The following SLC17A2 variants were observed in gnomAD, a reference collection of about 807,000 sequenced individuals.
SLC17A2 encodes solute carrier family 17 member 2.
In SLC17A2, 38 loss-of-function variants were observed where a neutral mutation model predicts 52.1. The ratio of observed to expected loss-of-function variants is 0.73; its 90% confidence interval spans 0.56 to 0.96. The LOEUF is 0.96. Ranked by LOEUF, SLC17A2 falls within the 40% of genes least tolerant of loss-of-function variation. The pLI, the probability that SLC17A2 is intolerant of heterozygous loss-of-function variation, is 0.00. For missense variants in SLC17A2, 508 were observed against 583.9 expected (o/e 0.87, Z 1.34); for synonymous variants, 226 against 211.9 (o/e 1.07, Z -0.58).
At position 25,915,532 on chromosome 6, in the gene SLC17A2, C is replaced by T. The variant is rs1293747129; in HGVS notation, c.1178G>A (p.Gly393Glu). Residue 393 changes from glycine (G) to glutamate (E), a missense_variant, in exon 10 of 12, where the codon GGG becomes GAG. By Grantham distance (98) the Gly-to-Glu change is moderately conservative. Transcript: ENST00000377850. ...IPGTSNLCDSGFIINTLDIAP... is the reference protein window; with the variant it reads ...IPGTSNLCDSEFIINTLDIAP... ...GATATCTAAGGTGTTGATGATAAAC[C>T]CTGAGTCACATAGGTTACTGGTCCC... 1 of 1,564,642 alleles carries T rather than the reference C, an allele frequency of 6.4e-7. No homozygotes were observed. The highest frequency in any genetic ancestry group is 1.9e-5 in the Admixed American group (1 of 51,770).
rs1766916369 is a variant in SLC17A2, at chr6:25,930,595, G to C, written c.-402C>G. ...AGACTATAAGGCTAACTTGGAAAAG[G>C]AGGGAGTTTTCTGTCCCTTCTTCCC... On this transcript the variant is annotated 5_prime_UTR_variant, in exon 1 of 12. Transcript: ENST00000377850. The C allele has an allele frequency of 6.6e-6, 1 of 152,170 alleles. No individual in the cohort carries two copies. Among genetic ancestry groups the C allele is most frequent in the Non-Finnish European group, 1.5e-5 (1 of 68,040 alleles). 9.4% of individuals were successfully genotyped at this position (152,170 alleles called of 1,614,324 possible).
Position 25,915,149 on chromosome 6 carries a change from G to GTGTATATATATATATATATA in SLC17A2, c.1211+349_1211+350insTATATATATATATATATACA, listed in dbSNP as rs749697702. On this transcript the variant is annotated intron_variant, in intron 10 of 11. Transcript: ENST00000377850. ...GCACAGGAGCTGGCTTATTGTGACT[G>GTGTATATATATATATATATA]TATATATATATATATATATATATAT... Among the ~76,000 whole-genome samples, 179 of 57,882 alleles carry GTGTATATATATATATATATA rather than the reference G, an allele frequency of 3.1e-3. 11 individuals carry two copies. Among genetic ancestry groups the GTGTATATATATATATATATA allele is most frequent in the Middle Eastern group, 0.024 (3 of 124 alleles). The allele number at this position is 57,882 out of a possible 152,430, so 38.0% of individuals were successfully genotyped here. A position where few individuals can be genotyped will look rare whatever the true frequency, so the allele number is the denominator to read the frequency against.
intron 10 of SLC17A2, 83 bp downstream of exon 10, chr6:25,915,416 A>G (rs1269144535): frequency 4.9e-6 from 6 of 1,224,252 alleles, no homozygotes; most frequent in Non-Finnish European, 6.7e-6. Context: ...TGTCAGTAAC[A>G]TTAAAGAGTT....
intron 3 of SLC17A2, among the ~76,000 whole-genome samples, chr6:25,922,088 G>A (rs982708261): frequency 1.3e-5 from 2 of 150,152 alleles, no homozygotes; most frequent in African/African-American, 4.9e-5. Context: ...ATGCAATAAG[G>A]CCCCTAAATA....
Position 25,913,069 on chromosome 6 carries a change from G to A in SLC17A2, c.*248C>T, listed in dbSNP as rs1000080460. The A allele has an allele frequency of 2.6e-5, 10 of 382,908 alleles. No homozygotes were observed. Among genetic ancestry groups the A allele is most frequent in the Non-Finnish European group, 4.7e-5 (10 of 213,292 alleles). The allele number at this position is 382,908 out of a possible 1,614,324, so 23.7% of individuals were successfully genotyped here. On this transcript the variant is annotated 3_prime_UTR_variant, in exon 12 of 12. Coordinates refer to ENST00000377850, the MANE Select transcript of SLC17A2 (RefSeq NM_001286123.3). ...GTTTGTCCAGCTGTTGTCAACCCCGGGCGCATGCTAGAAACCTCTAAGGAG... is the reference window on the plus strand; with the variant it reads ...GTTTGTCCAGCTGTTGTCAACCCCGAGCGCATGCTAGAAACCTCTAAGGAG...
rs1766229082 is a variant in SLC17A2, at chr6:25,914,574, C to T, written c.1302+6G>A. On this transcript the variant is annotated splice_donor_region_variant and intron_variant, in intron 11 of 11. Transcript: ENST00000377850. ...CACTTGAAGATGTTCAATAAACTGG[C>T]CCAACCTGACTGATGAGGAATCCAG... is the stretch of plus-strand genomic sequence containing the variant. 4.4e-6 allele frequency: 7 copies of T among 1,596,384 alleles called. No homozygotes were observed. The highest frequency in any genetic ancestry group is 6.0e-6 in the Non-Finnish European group (7 of 1,163,930).
At chr6:25,930,046 G>A (rs1432011342) in intron 1 of SLC17A2, among the ~76,000 whole-genome samples, 2 of 152,158 alleles carry the variant, frequency 1.3e-5, no homozygotes, top group African/African-American at 4.8e-5. Flanking sequence ...TCAAACTCCT[G>A]ACCTCAAGTG....
chr6:25,923,391 T>C (rs1436134876), intron 3 of SLC17A2, among the ~76,000 whole-genome samples: 1 of 152,156 alleles, frequency 6.6e-6, no homozygotes, highest in African/African-American at 2.4e-5. Flanking sequence ...CTGAATAGGA[T>C]TGAGTAACCT....
Position 25,923,711 on chromosome 6 carries a change from T to G in SLC17A2, c.224A>C (p.Lys75Thr), listed in dbSNP as rs570170691. ...DAFNNSSISI[K>T]EFDTKASVYQ... The stretch of plus-strand genomic sequence containing the variant: ...CATACTTACCTTTGTATCAAATTCC[T>G]TGATGGATATGCTGGAGTTATTGAA... The change falls in exon 3 of 12, where the codon AAG becomes ACG. Residue 75 changes from lysine to threonine, a missense_variant. Coordinates refer to ENST00000377850, the MANE Select transcript of SLC17A2 (RefSeq NM_001286123.3). 1.5e-5 allele frequency: 25 copies of G among 1,613,976 alleles called. No individual in the cohort carries two copies. In the South Asian group the frequency reaches 2.1e-4, roughly 13 times the overall value.
intron 6 of SLC17A2, 53 bp from the exon 7 acceptor site, chr6:25,917,140 G>C (rs1766356981): frequency 3.7e-6 from 5 of 1,344,618 alleles, no homozygotes; most frequent in Non-Finnish European, 5.3e-6. Context: ...ACTGGGGGAA[G>C]GAAGTTTCCT....
At chr6:25,921,922 T>A (rs1443110225) in intron 3 of SLC17A2, among the ~76,000 whole-genome samples, 1 of 152,000 alleles carries the variant, frequency 6.6e-6, no homozygotes, top group Non-Finnish European at 1.5e-5. Flanking sequence ...TCTTCTGATA[T>A]AACTCAATAA....
At chr6:25,928,963 G>GA (rs530212170) in intron 1 of SLC17A2, among the ~76,000 whole-genome samples, 253 of 152,040 alleles carry the variant, frequency 1.7e-3, no homozygotes, top group African/African-American at 5.2e-3. Context: ...TTGAATTTGA[G>GA]AAAAAAATAA....
At chr6:25,924,105 T>C (rs1766665352) in intron 2 of SLC17A2, among the ~76,000 whole-genome samples, 199 bp from the exon 3 acceptor site, 1 of 152,136 alleles carries the variant, frequency 6.6e-6, no homozygotes, top group African/African-American at 2.4e-5. Context: ...TGGGATCTTA[T>C]AACCAAGTAA....
intron 1 of SLC17A2, among the ~76,000 whole-genome samples, chr6:25,928,148 G>A (rs9295676): frequency 2.6e-5 from 4 of 151,898 alleles, no homozygotes; most frequent in Non-Finnish European, 5.9e-5. Flanking sequence ...AATTTGAAAA[G>A]TTGCCTGAAA....
chr6:25,922,238 G>T (rs1421234106), intron 3 of SLC17A2, among the ~76,000 whole-genome samples: 2 of 152,014 alleles, frequency 1.3e-5, no homozygotes, highest in Non-Finnish European at 2.9e-5. Flanking sequence ...ATAAAACAGA[G>T]ACTTTGAGAG....
At chr6:25,921,133 A>T in intron 4 of SLC17A2, 40 bp from the exon 5 acceptor site, 5 of 1,613,696 alleles carry the variant, frequency 3.1e-6, no homozygotes, top group Non-Finnish European at 4.2e-6. Context: ...ATTTTGTAGA[A>T]TTCAGAAATC....
rs917018043 is a variant in SLC17A2, at chr6:25,913,055, T to C, written c.*262A>G. On this transcript the variant is annotated 3_prime_UTR_variant, in exon 12 of 12. Coordinates refer to ENST00000377850, the MANE Select transcript of SLC17A2 (RefSeq NM_001286123.3). ...AATTGACTTTTCAAGTTTGTCCAGC[T>C]GTTGTCAACCCCGGGCGCATGCTAG... The C allele has an allele frequency of 1.1e-5, 4 of 349,796 alleles. No homozygotes were observed. Among genetic ancestry groups the C allele is most frequent in the African/African-American group, 4.1e-5 (2 of 48,436 alleles). The allele number at this position is 349,796 out of a possible 1,614,324, so 21.7% of individuals were successfully genotyped here.
chr6:25,925,543 T>A (rs993472600), intron 2 of SLC17A2, among the ~76,000 whole-genome samples: 9 of 151,508 alleles, frequency 5.9e-5, no homozygotes, highest in Admixed American at 1.3e-4. Context: ...TTCCCAAAAC[T>A]TATTCCACTC....
chr6:25,916,798 G>C lies in SLC17A2; in HGVS notation c.817C>G (p.Leu273Val). The C allele has an allele frequency of 6.2e-7, 1 of 1,614,156 alleles. No individual in the cohort carries two copies. The highest frequency in any genetic ancestry group is 2.2e-5 in the East Asian group (1 of 44,874). The stretch of plus-strand genomic sequence containing the variant: ...CCCAGGAAAATGGCCCAAAGTGGTA[G>C]GCATGTGACCATCGCCTTTATGGGG... ...AVPIKAMVTC[L>V]PLWAIFLGFF... The change falls in exon 8 of 12, where the codon CTA becomes GTA. Residue 273 changes from leucine to valine, a missense_variant. By Grantham distance (32) the Leu-to-Val change is conservative. Coordinates refer to ENST00000377850, the MANE Select transcript of SLC17A2 (RefSeq NM_001286123.3).
Sources: gnomAD v4.1 joint callset for allele counts (sites outside exome capture counted in the v4.1 genomes callset) on GRCh38, gnomAD v4.1.1 for gene constraint, MANE v1.5 for transcripts, NCBI Gene and HGNC (gene_info 2026-07-23, HGNC 2026-07-21) for gene names.